Variants in RUNX3 observed in about 807,000 individuals in gnomAD.
RUNX3 encodes the protein runt-related transcription factor 3.
RUNX3 carries 10 observed loss-of-function variants against 27.7 expected under a neutral mutation model. The observed-to-expected ratio is 0.36, with a 90% CI of 0.22 to 0.61. RUNX3 has a LOEUF of 0.61. RUNX3 is among the 20% of genes least tolerant of loss of function. RUNX3 has a pLI of 0.72. For missense variants in RUNX3, 469 were observed against 629.5 expected, an observed-to-expected ratio of 0.75 and a Z score of 2.73; for synonymous variants, 270 against 269.2, an observed-to-expected ratio of 1.00 and a Z score of -0.03.
In RUNX3 at chr1:24,916,281, A is replaced by G. The variant is rs1640887688; in HGVS notation, c.544+2959T>C. Among the ~76,000 whole-genome samples the G allele has an allele frequency of 6.6e-6, 1 of 152,156 alleles. No homozygotes were observed. Among genetic ancestry groups the G allele is most frequent in the African/African-American group, 2.4e-5 (1 of 41,436 alleles). On this transcript the variant is annotated intron_variant, in intron 3 of 4. Transcript: ENST00000308873. The surrounding 1 kb of genome is among the most constrained non-coding windows in gnomAD (Gnocchi z 4.8). ...CACTTCCTGGGGCCAGGCCCCGGTA[A>G]ACTCAGTCAACCTTCACAGCGACTC...
At chr1:24,918,136 A>G (rs1299273196) in intron 3 of RUNX3, among the ~76,000 whole-genome samples, 1 of 152,106 alleles carries the variant, frequency 6.6e-6, no homozygotes. Context: ...AGCCTTTCCC[A>G]AGTGGCCAGA....
chr1:24,944,300 C>G (rs1466052903), intron 2 of RUNX3, among the ~76,000 whole-genome samples: 1 of 152,144 alleles, frequency 6.6e-6, no homozygotes, highest in Admixed American at 6.5e-5. Flanking sequence ...CAAATATGCC[C>G]ATCATACTCC....
chr1:24,940,947 T>G (rs1359801991), intron 2 of RUNX3, among the ~76,000 whole-genome samples: 1 of 152,168 alleles, frequency 6.6e-6, no homozygotes, highest in Non-Finnish European at 1.5e-5. Context: ...GTACATGTAT[T>G]TTACATGTTT....
intron 3 of RUNX3, among the ~76,000 whole-genome samples, chr1:24,915,846 T>C (rs1640879798): frequency 6.6e-6 from 1 of 152,122 alleles, no homozygotes. Flanking sequence ...CATGCCAGAC[T>C]TGCCAGGTGT....
rs998051526 is a variant in RUNX3, at chr1:24,900,236, G to C, written c.*1886C>G. 4 of 152,404 alleles carry C rather than the reference G, an allele frequency of 2.6e-5. No homozygotes were observed. Among genetic ancestry groups the C allele is most frequent in the African/African-American group, 9.7e-5 (4 of 41,440 alleles). The allele number at this position is 152,404 out of a possible 1,614,324, so 9.4% of individuals were successfully genotyped here. A position where few individuals can be genotyped will look rare whatever the true frequency, so the allele number is the denominator to read the frequency against. ...GGAGACTGTTTTTCCAGTGAGGACA[G>C]GCCAAGAGAAACCGCAGCAGGAGGG... On this transcript the variant is annotated 3_prime_UTR_variant, in exon 5 of 5. Coordinates refer to ENST00000308873, the MANE Select transcript of RUNX3 (RefSeq NM_004350.3).
upstream of RUNX3, among the ~76,000 whole-genome samples, chr1:24,930,434 G>A (rs1038419420): frequency 4.6e-5 from 7 of 152,048 alleles, no homozygotes; most frequent in South Asian, 8.3e-4. The surrounding 1 kb of genome is among the most constrained non-coding windows in gnomAD (Gnocchi z 4.1). Context: ...CGCCCAACGG[G>A]GAGGGGCGGA....
chr1:24,907,263 G>A lies in RUNX3; in HGVS notation c.699C>T (p.Ile233=). The change falls in exon 4 of 5, where the codon ATC becomes ATT. Residue 233 remains isoleucine, a synonymous_variant. Transcript: ENST00000308873. The stretch of plus-strand genomic sequence containing the variant: ...GCCCCTCCCTCCGTGCCGTACCTTG[G>A]ATTGGGGTCTGGGGCTGGCTGCTGA... ...SHFSSQPQTP[I]QGTSELNPFS... The A allele has an allele frequency of 6.2e-7, 1 of 1,610,308 alleles. No individual in the cohort carries two copies. Among genetic ancestry groups the A allele is most frequent in the East Asian group, 2.2e-5 (1 of 44,888 alleles).
chr1:24,946,220 TACAC>T (rs1328487215), intron 2 of RUNX3, among the ~76,000 whole-genome samples: 2 of 152,146 alleles, frequency 1.3e-5, no homozygotes, highest in Admixed American at 6.5e-5. Context: ...ATAAAAATAA[TACAC>T]ATTCATTAAA....
At position 24,916,056 on chromosome 1, in the gene RUNX3, G is replaced by A. The variant is rs560860409; in HGVS notation, c.544+3184C>T. On this transcript the variant is annotated intron_variant, in intron 3 of 4. Transcript: ENST00000308873. The surrounding 1 kb of genome is among the most constrained non-coding windows in gnomAD (Gnocchi z 4.8). The stretch of plus-strand genomic sequence containing the variant: ...GCTCTGCAGGGCACCAGAGGGGAAC[G>A]ACCCGGCCACAGAACCCACAGCCGG... Among the ~76,000 whole-genome samples, 12 of 152,310 alleles carry A rather than the reference G, an allele frequency of 7.9e-5. No homozygotes were observed. Among genetic ancestry groups the A allele is most frequent in the African/African-American group, 1.7e-4 (7 of 41,572 alleles).
chr1:24,909,127 C>G (rs953308367), intron 3 of RUNX3, among the ~76,000 whole-genome samples: 15 of 152,198 alleles, frequency 9.9e-5, no homozygotes, highest in Non-Finnish European at 1.6e-4. Flanking sequence ...TGGCCAGGCT[C>G]CCACCCTCCT....
upstream of RUNX3, among the ~76,000 whole-genome samples, chr1:24,932,899 G>A (rs551995279): frequency 6.6e-6 from 1 of 152,288 alleles, no homozygotes; most frequent in Admixed American, 6.5e-5. Flanking sequence ...GTTGTCCACA[G>A]CAGGGCTAGG....
chr1:24,924,659 G>A (rs953143847), intron 2 of RUNX3, among the ~76,000 whole-genome samples: 2 of 152,006 alleles, frequency 1.3e-5, no homozygotes, highest in African/African-American at 4.8e-5. Context: ...TGGCCCCAAC[G>A]TTTACATATT....
chr1:24,911,409 C>T (rs1571307355), intron 3 of RUNX3, among the ~76,000 whole-genome samples: 1 of 152,194 alleles, frequency 6.6e-6, no homozygotes, highest in South Asian at 2.1e-4. Flanking sequence ...AGCCTGGGTT[C>T]GAGGACGGGT....
chr1:24,937,862 T>C (rs1641384559), intron 2 of RUNX3, among the ~76,000 whole-genome samples: 1 of 152,206 alleles, frequency 6.6e-6, no homozygotes, highest in Non-Finnish European at 1.5e-5. Context: ...ATTAGCTCTT[T>C]CCATGCAGGT....
At chr1:24,964,463 C>G (rs755958099) in intron 2 of RUNX3, 2 of 1,485,658 alleles carry the variant, frequency 1.3e-6, no homozygotes, top group Non-Finnish European at 9.3e-7. Flanking sequence ...GGACGTGGTC[C>G]GGGGCCTGGC....
intron 2 of RUNX3, among the ~76,000 whole-genome samples, chr1:24,938,869 T>C (rs1285457393): frequency 1.3e-5 from 2 of 152,138 alleles, no homozygotes; most frequent in African/African-American, 2.4e-5. Flanking sequence ...AGAGCCTTGA[T>C]CTTGGACTTC....
intron 2 of RUNX3, among the ~76,000 whole-genome samples, chr1:24,950,731 G>A (rs1041382560): frequency 2.0e-5 from 3 of 152,244 alleles, no homozygotes; most frequent in South Asian, 2.1e-4. Context: ...CCTGCCCCTC[G>A]CTCAGAAGAG....
chr1:24,948,692 A>T (rs929050585), intron 2 of RUNX3, among the ~76,000 whole-genome samples: 8 of 131,428 alleles, frequency 6.1e-5, no homozygotes, highest in African/African-American at 2.1e-4. Flanking sequence ...ACAGAGGTGC[A>T]TGGGAGAGAA....
At chr1:24,919,574 C>T (rs10158255) in intron 2 of RUNX3, among the ~76,000 whole-genome samples, 5,542 of 152,210 alleles carry the variant, frequency 0.036, 291 homozygotes, top group African/African-American at 0.11. Context: ...CGCCCCATGC[C>T]GTGACCACCC....
Sources: gnomAD v4.1 joint callset for allele counts (sites outside exome capture counted in the v4.1 genomes callset) on GRCh38, gnomAD v4.1.1 for gene constraint, Gnocchi (gnomAD v3.1) non-coding constraint, MANE v1.5 for transcripts, NCBI Gene and HGNC (gene_info 2026-07-23, HGNC 2026-07-21) for gene names.